GRAMD1B: variants seen among roughly 807,000 people sequenced by gnomAD.
GRAMD1B encodes GRAM domain containing 1B, also known as protein Aster-B.
GRAMD1B carries 37 observed loss-of-function variants against 99.7 expected under a neutral mutation model. The ratio of observed to expected loss-of-function variants is 0.37; its 90% confidence interval spans 0.29 to 0.49. GRAMD1B has a LOEUF of 0.49. Among genes scored for constraint, GRAMD1B ranks in the 20% least tolerant of loss-of-function variants. GRAMD1B has a pLI of 0.98. For synonymous variants in GRAMD1B, 427 were observed against 387.6 expected, an observed-to-expected ratio of 1.10 and a Z score of -1.19; for missense variants, 888 against 1,009.2, an observed-to-expected ratio of 0.88 and a Z score of 1.63.
chr11:123,562,736 C>T (rs1475965781), intron 2 of GRAMD1B, among the ~76,000 whole-genome samples: 1 of 152,166 alleles, frequency 6.6e-6, no homozygotes, highest in Non-Finnish European at 1.5e-5. Flanking sequence ...GTTCATCCTT[C>T]TGCCGAAACT....
intron 1 of GRAMD1B, among the ~76,000 whole-genome samples, chr11:123,443,276 G>A (rs1425220954): frequency 6.6e-6 from 1 of 152,176 alleles, no homozygotes; most frequent in Admixed American, 6.5e-5. Context: ...ATGAGATGCA[G>A]AGGTACATAG....
chr11:123,590,426 C>T (rs773754748), intron 4 of GRAMD1B, among the ~76,000 whole-genome samples: 25 of 152,346 alleles, frequency 1.6e-4, no homozygotes, highest in South Asian at 8.3e-4. Context: ...CCCTACTCCA[C>T]GCCTCCATGT....
At chr11:123,620,416 G>T (rs889733935) in intron 19 of GRAMD1B, among the ~76,000 whole-genome samples, 2 of 137,044 alleles carry the variant, frequency 1.5e-5, no homozygotes, top group African/African-American at 5.4e-5. Flanking sequence ...GGAGGTTTCA[G>T]TGAGCTGAGA....
chr11:123,556,191 T>G (rs1196100263), intron 2 of GRAMD1B, among the ~76,000 whole-genome samples: 1 of 152,262 alleles, frequency 6.6e-6, no homozygotes, highest in East Asian at 1.9e-4. Context: ...GCACTCGTGA[T>G]TTGGATGATA....
intron 1 of GRAMD1B, among the ~76,000 whole-genome samples, chr11:123,467,992 T>C (rs1950788289): frequency 6.6e-6 from 1 of 151,912 alleles, no homozygotes; most frequent in African/African-American, 2.4e-5. Context: ...GCCTCCCGAG[T>C]AGCTGGGATT....
intron 2 of GRAMD1B, among the ~76,000 whole-genome samples, chr11:123,570,685 A>G (rs1947979796): frequency 1.3e-5 from 2 of 152,062 alleles, no homozygotes; most frequent in African/African-American, 4.8e-5. Flanking sequence ...CAGCCTCCCA[A>G]AATTCTGGGA....
intron 1 of GRAMD1B, among the ~76,000 whole-genome samples, chr11:123,467,417 A>AAGG (rs1950741759): frequency 5.7e-4 from 4 of 6,980 alleles, no homozygotes; most frequent in African/African-American, 1.9e-3. Flanking sequence ...TTTTTTTTTT[A>AAGG]CTGACTTTCA....
chr11:123,544,534 C>T (rs1374071523), intron 2 of GRAMD1B, among the ~76,000 whole-genome samples: 2 of 152,208 alleles, frequency 1.3e-5, no homozygotes, highest in African/African-American at 4.8e-5. Flanking sequence ...TTTGACCCCA[C>T]CCCTCCTCCT....
At chr11:123,480,063 A>G (rs748572880) in intron 1 of GRAMD1B, among the ~76,000 whole-genome samples, 2 of 152,210 alleles carry the variant, frequency 1.3e-5, no homozygotes, top group Admixed American at 6.5e-5. Context: ...AGTTAGTGTC[A>G]TGAAGTGTCT....
intron 3 of GRAMD1B, among the ~76,000 whole-genome samples, chr11:123,579,961 T>C (rs1035255511): frequency 2.0e-5 from 3 of 152,028 alleles, no homozygotes; most frequent in African/African-American, 7.3e-5. Flanking sequence ...GGTGCTGGGG[T>C]GAGTGCAGGT....
chr11:123,560,561 T>TCCCCGC (rs1352101952), intron 2 of GRAMD1B: 5 of 794,230 alleles, frequency 6.3e-6, no homozygotes, highest in African/African-American at 5.5e-5. Flanking sequence ...GGGCCCCCGC[T>TCCCCGC]CCCCGCCCCC....
At chr11:123,436,150 C>A (rs555747140) in intron 1 of GRAMD1B, among the ~76,000 whole-genome samples, 22 of 152,112 alleles carry the variant, frequency 1.4e-4, no homozygotes, top group East Asian at 1.4e-3. Context: ...ACCATGTTGG[C>A]CAGGTGGGTC....
rs568590798 is a variant in GRAMD1B, at chr11:123,477,663, C to T, written c.375-3153C>T. Reference sequence around the variant, plus strand: ...CCTTCCCTCCCTTCCCCTTTCCCTTCTCTCTCCCTTCCTTCTCCTTCTCCC... The same window carrying T: ...CCTTCCCTCCCTTCCCCTTTCCCTTTTCTCTCCCTTCCTTCTCCTTCTCCC... On this transcript the variant is annotated intron_variant, in intron 1 of 19. Transcript: ENST00000635736. Among the ~76,000 whole-genome samples, 31 of 131,546 alleles carry T rather than the reference C, an allele frequency of 2.4e-4. No homozygotes were observed. In the South Asian group the frequency reaches 5.0e-3, roughly 21 times the overall value. The allele number at this position is 131,546 out of a possible 152,430, so 86.3% of individuals were successfully genotyped here.
chr11:123,432,824 G>C (rs932238372), intron 1 of GRAMD1B, among the ~76,000 whole-genome samples: 1 of 152,200 alleles, frequency 6.6e-6, no homozygotes, highest in African/African-American at 2.4e-5. Context: ...GGTGGGGACT[G>C]AGGAGTAGGA....
At chr11:123,404,769 C>T (rs141856821) in intron 1 of GRAMD1B, among the ~76,000 whole-genome samples, 1,861 of 152,332 alleles carry the variant, frequency 0.012, 20 homozygotes, top group Middle Eastern at 0.031. Context: ...GCCTTCACTG[C>T]GCAGCCTTGC....
intron 8 of GRAMD1B, among the ~76,000 whole-genome samples, chr11:123,602,560 C>T (rs1051260905): frequency 5.9e-5 from 9 of 151,608 alleles, no homozygotes; most frequent in African/African-American, 1.9e-4. Context: ...TTCTTCATGC[C>T]CTTGCCCTCC....
chr11:123,366,980 G>A (rs1159542668), intron 1 of GRAMD1B, among the ~76,000 whole-genome samples: 1 of 152,146 alleles, frequency 6.6e-6, no homozygotes, highest in South Asian at 2.1e-4. Context: ...AAGGTGGGAG[G>A]ATCGCTTGAG....
chr11:123,398,781 A>G lies in GRAMD1B; in HGVS notation c.-176+39982A>G, dbSNP rs11826160. Among the ~76,000 whole-genome samples, 485 of 152,298 alleles carry G rather than the reference A, an allele frequency of 3.2e-3. 4 individuals carry two copies. Among genetic ancestry groups the G allele is most frequent in the African/African-American group, 0.011 (449 of 41,562 alleles). On this transcript the variant is annotated intron_variant, in intron 1 of 20. Transcript: ENST00000638157. ...AACTTTAGTGCGGTATGCTTGACAT[A>G]CAAAAAGCTGTACATATTTAATGTA... is the stretch of plus-strand genomic sequence containing the variant.
intron 2 of GRAMD1B, among the ~76,000 whole-genome samples, chr11:123,517,884 C>T (rs1591790473): frequency 6.6e-6 from 1 of 152,266 alleles, no homozygotes; most frequent in South Asian, 2.1e-4. Context: ...CAGGAAGCAG[C>T]TGGCTGTGGG....
Sources: gnomAD v4.1 joint callset for allele counts (sites outside exome capture counted in the v4.1 genomes callset) on GRCh38, gnomAD v4.1.1 for gene constraint, MANE v1.5 for transcripts, NCBI Gene and HGNC (gene_info 2026-07-23, HGNC 2026-07-21) for gene names.